The following ARHGAP40 variants were observed in gnomAD, a reference collection of about 807,000 sequenced individuals.
The protein encoded by ARHGAP40 is rho GTPase-activating protein 40.
In ARHGAP40, 43 loss-of-function variants were observed where a neutral mutation model predicts 73.5. That is an observed-to-expected ratio of 0.58 (90% CI 0.46 to 0.75). ARHGAP40 has a LOEUF of 0.75. ARHGAP40 is among the 30% of genes least tolerant of loss of function. The pLI, the probability that ARHGAP40 is intolerant of heterozygous loss-of-function variation, is 0.00. For missense variants in ARHGAP40, 734 were observed against 861.8 expected (o/e 0.85, Z 1.86); for synonymous variants, 300 against 352.8 (o/e 0.85, Z 1.68).
chr20:38,634,364 C>A (rs2088960000), intron 5 of ARHGAP40, among the ~76,000 whole-genome samples: 2 of 152,070 alleles, frequency 1.3e-5, no homozygotes, highest in Admixed American at 1.3e-4. Flanking sequence ...AAGAAAAAAA[C>A]AAACAAACGT....
chr20:38,621,201 G>A (rs532810668), intron 1 of ARHGAP40, among the ~76,000 whole-genome samples: 1 of 152,162 alleles, frequency 6.6e-6, no homozygotes, highest in East Asian at 1.9e-4. Context: ...AGGCAGCAGG[G>A]GTAAAATCAG....
intron 6 of ARHGAP40, 73 bp from the exon 7 acceptor site, chr20:38,637,635 G>C: frequency 1.7e-6 from 2 of 1,173,884 alleles, no homozygotes; most frequent in Non-Finnish European, 2.3e-6. Flanking sequence ...AGTTGCCCAG[G>C]AGATCCTGTA....
chr20:38,623,473 C>G (rs906975427), exon 2 of ARHGAP40: 2 of 1,290,894 alleles, frequency 1.5e-6, no homozygotes, highest in African/African-American at 1.5e-5. Flanking sequence ...GCATGGATGG[C>G]TTTTGGATGG....
At chr20:38,647,147 G>A (rs1287220976) in intron 13 of ARHGAP40, 21 bp downstream of exon 13, 2 of 1,298,662 alleles carry the variant, frequency 1.5e-6, no homozygotes, top group Admixed American at 4.6e-5. Flanking sequence ...CCTCCTGGAG[G>A]CAGGAGCCTC....
chr20:38,617,633 T>C (rs2145598532), intron 1 of ARHGAP40, among the ~76,000 whole-genome samples: 1 of 152,278 alleles, frequency 6.6e-6, no homozygotes, highest in Non-Finnish European at 1.5e-5. Flanking sequence ...TCAGGAAGGC[T>C]CTAAGCCTCT....
chr20:38,644,687 C>T (rs1480911169), intron 11 of ARHGAP40, among the ~76,000 whole-genome samples: 3 of 139,762 alleles, frequency 2.1e-5, no homozygotes, highest in African/African-American at 7.9e-5. Flanking sequence ...ATTAATTCCT[C>T]CAACTCCCCC....
intron 3 of ARHGAP40, among the ~76,000 whole-genome samples, chr20:38,628,556 G>A (rs551551146): frequency 2.0e-4 from 31 of 152,124 alleles, no homozygotes; most frequent in African/African-American, 6.5e-4. Flanking sequence ...CACCAGCCTC[G>A]GCCTCCCAAA....
intron 1 of ARHGAP40, among the ~76,000 whole-genome samples, chr20:38,619,782 A>C (rs2088864673): frequency 6.6e-6 from 1 of 151,314 alleles, no homozygotes; most frequent in Admixed American, 6.6e-5. Flanking sequence ...CCTACATGGC[A>C]CTGATGTATT....
At chr20:38,615,088 G>C (rs1569008629) in intron 1 of ARHGAP40, 2 of 919,374 alleles carry the variant, frequency 2.2e-6, no homozygotes, top group Non-Finnish European at 3.7e-6. Flanking sequence ...GACACTCGGA[G>C]TTTGGCTATA....
At chr20:38,626,083 T>C (rs570997314) in intron 2 of ARHGAP40, among the ~76,000 whole-genome samples, 3 of 152,298 alleles carry the variant, frequency 2.0e-5, no homozygotes, top group African/African-American at 4.8e-5. Context: ...ACCCACAACA[T>C]TGCAACTGCC....
chr20:38,607,231 T>A (rs1338374134), intron 1 of ARHGAP40, among the ~76,000 whole-genome samples: 1 of 152,110 alleles, frequency 6.6e-6, no homozygotes, highest in African/African-American at 2.4e-5. Context: ...TGCATTTGAG[T>A]CCTAAATCCT....
chr20:38,646,230 G>C lies in ARHGAP40; in HGVS notation c.1710+43G>C. On this transcript the variant is annotated intron_variant, in intron 12 of 14. Transcript: ENST00000373345. The surrounding 1 kb of genome is among the most constrained non-coding windows in gnomAD (Gnocchi z 4.5). ...CAGACAGGTGGAGAAGGGCCGAGGC[G>C]ACAGGAGGGCACCTGGGGCGCGGTG... The C allele has an allele frequency of 7.9e-7, 1 of 1,259,824 alleles. No homozygotes were observed. Among genetic ancestry groups the C allele is most frequent in the African/African-American group, 1.5e-5 (1 of 64,764 alleles). The allele number at this position is 1,259,824 out of a possible 1,614,324, so 78.0% of individuals were successfully genotyped here.
At chr20:38,648,420 C>T (rs1013131890) in intron 13 of ARHGAP40, among the ~76,000 whole-genome samples, 2 of 152,212 alleles carry the variant, frequency 1.3e-5, no homozygotes, top group Admixed American at 6.5e-5. Context: ...CTGGCTGAGC[C>T]TCACCACGTG....
chr20:38,613,452 A>G (rs1020351699), intron 1 of ARHGAP40, among the ~76,000 whole-genome samples: 12 of 152,210 alleles, frequency 7.9e-5, no homozygotes, highest in African/African-American at 2.9e-4. Context: ...AATGGAATCA[A>G]CAATAGGTGC....
exon 5 of ARHGAP40, chr20:38,629,645 C>T (rs1282733169): frequency 1.5e-6 from 2 of 1,305,272 alleles, no homozygotes; most frequent in South Asian, 1.2e-5. Flanking sequence ...CAAGTGTTCC[C>T]TGCCGGTGAG....
intron 9 of ARHGAP40, among the ~76,000 whole-genome samples, 188 bp from the exon 10 acceptor site, chr20:38,641,538 C>T (rs745582065): frequency 2.8e-4 from 42 of 152,134 alleles, no homozygotes; most frequent in Non-Finnish European, 5.1e-4. Flanking sequence ...AGTGAACCTC[C>T]CACGAGCACT....
At chr20:38,627,801 C>A (rs1262401464) in intron 3 of ARHGAP40, among the ~76,000 whole-genome samples, 1 of 152,146 alleles carries the variant, frequency 6.6e-6, no homozygotes, top group Non-Finnish European at 1.5e-5. Flanking sequence ...CATGCCACTG[C>A]ATATATGCCT....
intron 1 of ARHGAP40, among the ~76,000 whole-genome samples, chr20:38,618,752 C>A (rs2088857733): frequency 6.6e-6 from 1 of 152,126 alleles, no homozygotes; most frequent in Non-Finnish European, 1.5e-5. Flanking sequence ...ATAGCAACCC[C>A]TTCCAAGGAG....
intron 1 of ARHGAP40, among the ~76,000 whole-genome samples, chr20:38,610,715 C>T (rs1390570706): frequency 6.6e-6 from 1 of 152,076 alleles, no homozygotes; most frequent in South Asian, 2.1e-4. Context: ...TTGGAGTCAG[C>T]AGAAAGGAAT....
Sources: gnomAD v4.1 joint callset for allele counts (sites outside exome capture counted in the v4.1 genomes callset) on GRCh38, gnomAD v4.1.1 for gene constraint, Gnocchi (gnomAD v3.1) non-coding constraint, MANE v1.5 for transcripts, NCBI Gene and HGNC (gene_info 2026-07-23, HGNC 2026-07-21) for gene names.